REC114: variants seen among roughly 807,000 people sequenced by gnomAD.
REC114 encodes meiotic recombination protein REC114.
REC114 carries 27 observed loss-of-function variants against 31.3 expected under a neutral mutation model. The ratio of observed to expected loss-of-function variants is 0.86; its 90% CI spans 0.64 to 1.19. REC114 has a LOEUF of 1.19. Among genes scored for constraint, REC114 ranks in the 50% most tolerant of loss-of-function variants. The pLI is 0.00. For missense variants in REC114, 344 were observed against 326.9 expected (o/e 1.05, Z -0.40); for synonymous variants, 134 against 127.7 (o/e 1.05, Z -0.33).
intron 2 of REC114, among the ~76,000 whole-genome samples, chr15:73,482,421 A>G (rs113998956): frequency 0.024 from 3,649 of 152,256 alleles, 162 homozygotes; most frequent in African/African-American, 0.083. Context: ...GCCTTCTGCC[A>G]TGATTGGGAG....
At chr15:73,525,571 A>AT (rs778010456) in intron 2 of REC114, among the ~76,000 whole-genome samples, 151 of 148,736 alleles carry the variant, frequency 1.0e-3, no homozygotes, top group African/African-American at 3.1e-3. Flanking sequence ...TTATTCTGTG[A>AT]TTTTTTTTTA....
chr15:73,555,515 C>T (rs1894453508), intron 4 of REC114, among the ~76,000 whole-genome samples: 1 of 152,180 alleles, frequency 6.6e-6, no homozygotes, highest in South Asian at 2.1e-4. Flanking sequence ...TAGAGCATCC[C>T]TGTACTTCCT....
chr15:73,450,173 A>G (rs1157611444), intron 1 of REC114, among the ~76,000 whole-genome samples: 1 of 152,192 alleles, frequency 6.6e-6, no homozygotes, highest in South Asian at 2.1e-4. Context: ...AAATGCCCCA[A>G]TTAAAAGACA....
chr15:73,503,223 C>T (rs1191406155), intron 2 of REC114, among the ~76,000 whole-genome samples: 1 of 152,178 alleles, frequency 6.6e-6, no homozygotes, highest in Non-Finnish European at 1.5e-5. Flanking sequence ...CAAATGCTTA[C>T]AGCAGTTTTA....
chr15:73,543,265 T>C (rs1196713743), intron 3 of REC114, among the ~76,000 whole-genome samples: 1 of 152,132 alleles, frequency 6.6e-6, no homozygotes, highest in Non-Finnish European at 1.5e-5. Context: ...TTTGTGTATA[T>C]ACTGTATGCA....
At chr15:73,467,683 T>C (rs1893080336) in intron 1 of REC114, among the ~76,000 whole-genome samples, 1 of 152,178 alleles carries the variant, frequency 6.6e-6, no homozygotes, top group Non-Finnish European at 1.5e-5. Context: ...CTTGAAAAAT[T>C]TGGAATTTTG....
At chr15:73,452,565 T>C (rs993687450) in intron 1 of REC114, among the ~76,000 whole-genome samples, 4 of 152,196 alleles carry the variant, frequency 2.6e-5, no homozygotes, top group Non-Finnish European at 2.9e-5. Context: ...CTGCCCCAAG[T>C]AATTTACAGA....
chr15:73,543,636 G>A (rs1249092508), intron 3 of REC114, among the ~76,000 whole-genome samples: 1 of 151,972 alleles, frequency 6.6e-6, no homozygotes, highest in Non-Finnish European at 1.5e-5. Flanking sequence ...GCTGTAAATG[G>A]TATTCTTTAT....
At chr15:73,453,020 G>A (rs1336747785) in intron 1 of REC114, among the ~76,000 whole-genome samples, 2 of 151,990 alleles carry the variant, frequency 1.3e-5, no homozygotes, top group Middle Eastern at 3.2e-3. Flanking sequence ...GACCTAAAAC[G>A]ATGAAAACCC....
intron 1 of REC114, among the ~76,000 whole-genome samples, chr15:73,471,202 A>G (rs926238291): frequency 7.2e-5 from 11 of 152,216 alleles, no homozygotes; most frequent in Admixed American, 7.2e-4. Context: ...TTATTATAAT[A>G]ATCCAACTAG....
chr15:73,501,037 G>T (rs1893597910), intron 2 of REC114, among the ~76,000 whole-genome samples: 1 of 152,120 alleles, frequency 6.6e-6, no homozygotes, highest in Middle Eastern at 3.2e-3. Context: ...GGCCTTGTTT[G>T]GGAAGGCAGT....
intron 5 of REC114, among the ~76,000 whole-genome samples, chr15:73,558,317 A>C (rs768483494): frequency 2.0e-5 from 3 of 152,234 alleles, no homozygotes; most frequent in Non-Finnish European, 4.4e-5. Context: ...TCACAGAATT[A>C]ATGTGAGGAG....
intron 2 of REC114, among the ~76,000 whole-genome samples, chr15:73,497,746 G>A (rs917476202): frequency 6.6e-6 from 1 of 152,158 alleles, no homozygotes; most frequent in Admixed American, 6.5e-5. Flanking sequence ...CTTTTCAGGG[G>A]CTGACTTAAG....
intron 3 of REC114, among the ~76,000 whole-genome samples, chr15:73,541,175 C>T (rs1894232952): frequency 6.6e-6 from 1 of 152,084 alleles, no homozygotes; most frequent in Non-Finnish European, 1.5e-5. Context: ...GGGTATTAAC[C>T]TGGGGTACAC....
intron 3 of REC114, among the ~76,000 whole-genome samples, 155 bp downstream of exon 3, chr15:73,540,723 G>A (rs1389730242): frequency 1.3e-5 from 2 of 152,124 alleles, no homozygotes; most frequent in South Asian, 2.1e-4. Flanking sequence ...AACAAGGACC[G>A]TAGAGAGGCA....
chr15:73,553,278 G>A, intron 4 of REC114, among the ~76,000 whole-genome samples: 1 of 152,058 alleles, frequency 6.6e-6, no homozygotes, highest in Admixed American at 6.5e-5. Context: ...TTTGATTTTT[G>A]TGAAGATGTC....
intron 2 of REC114, among the ~76,000 whole-genome samples, chr15:73,484,556 A>G (rs569210077): frequency 5.9e-5 from 9 of 152,302 alleles, no homozygotes; most frequent in Admixed American, 5.2e-4. Flanking sequence ...CTTACATATC[A>G]TTGTAAACCT....
chr15:73,546,173 G>T (rs1894305812), intron 3 of REC114, among the ~76,000 whole-genome samples: 1 of 151,626 alleles, frequency 6.6e-6, no homozygotes, highest in East Asian at 1.9e-4. Context: ...TGTAATCAAA[G>T]AAATGAAATT....
intron 4 of REC114, among the ~76,000 whole-genome samples, chr15:73,553,567 T>C (rs539174761): frequency 6.6e-6 from 1 of 152,280 alleles, no homozygotes; most frequent in African/African-American, 2.4e-5. Context: ...GAGTTCCTTA[T>C]AAAGGTAATG....
Sources: gnomAD v4.1 joint callset for allele counts (sites outside exome capture counted in the v4.1 genomes callset) on GRCh38, gnomAD v4.1.1 for gene constraint, MANE v1.5 for transcripts, NCBI Gene and HGNC (gene_info 2026-07-23, HGNC 2026-07-21) for gene names.